Variants in PAK3 observed in about 807,000 individuals in gnomAD.
PAK3 encodes the protein serine/threonine-protein kinase PAK 3.
In PAK3, 4 loss-of-function variants were observed where a neutral mutation model predicts 41.0. That is an observed-to-expected ratio of 0.10 (90% confidence interval 0.05 to 0.22). The LOEUF is 0.22. PAK3 is among the 10% of genes least tolerant of loss of function. The pLI, the probability that PAK3 is intolerant of heterozygous loss-of-function variation, is 1.00. For synonymous variants in PAK3, 146 were observed against 139.6 expected (o/e 1.05, Z -0.32); for missense variants, 205 against 409.9 (o/e 0.50, Z 4.32).
At chrX:110,951,450 G>C (rs1325912728) in intron 1 of PAK3, among the ~76,000 whole-genome samples, 1 of 111,982 alleles carries the variant, frequency 8.9e-6, no homozygotes, top group Non-Finnish European at 1.9e-5. Flanking sequence ...CCTAGGATTA[G>C]ATTTGTTCAG....
chrX:111,160,098 T>C (rs1353464057), intron 8 of PAK3, among the ~76,000 whole-genome samples: 1 of 111,678 alleles, frequency 9.0e-6, no homozygotes, highest in Non-Finnish European at 1.9e-5. Flanking sequence ...GAAAATTCAT[T>C]GTCGGATTAT....
chrX:111,122,255 GAAAAAAA>G (rs747134804), intron 4 of PAK3, among the ~76,000 whole-genome samples: 18 of 23,277 alleles, frequency 7.7e-4, no homozygotes, highest in Admixed American at 1.2e-3. Context: ...GACTCCATCT[GAAAAAAA>G]AAAAAAAAAA....
At chrX:111,025,478 A>G (rs1201067056) in intron 1 of PAK3, among the ~76,000 whole-genome samples, 2 of 111,631 alleles carry the variant, frequency 1.8e-5, no homozygotes, top group African/African-American at 6.5e-5. Flanking sequence ...AACACCACAG[A>G]AATACCAAAG....
At chrX:111,006,099 T>C (rs1484570897) in intron 1 of PAK3, among the ~76,000 whole-genome samples, 2 of 111,652 alleles carry the variant, frequency 1.8e-5, no homozygotes, top group African/African-American at 6.5e-5. Context: ...AAAAAATATA[T>C]ATGCAGAGTC....
Position 111,159,614 on chromosome X carries a change from C to T in PAK3, c.469-3301C>T, listed in dbSNP as rs138323493. 1.8e-3 allele frequency among the ~76,000 whole-genome samples: 204 copies of T among 111,666 alleles called. 5 individuals carry two copies. In the East Asian group the frequency reaches 0.045, roughly 25 times the overall value. On this transcript the variant is annotated intron_variant, in intron 8 of 17. Transcript: ENST00000372007. Reference sequence around the variant, plus strand: ...AATTTCGATAACCCAAAGCCCATTTCTCCCTGTGCCCCCTGAAATGCCCTG... The same window carrying T: ...AATTTCGATAACCCAAAGCCCATTTTTCCCTGTGCCCCCTGAAATGCCCTG...
chrX:111,015,498 G>A (rs945218401), intron 1 of PAK3, among the ~76,000 whole-genome samples: 1 of 111,258 alleles, frequency 9.0e-6, no homozygotes, highest in Non-Finnish European at 1.9e-5. Flanking sequence ...TGTAGTTATT[G>A]TTTTGTTTGC....
At chrX:111,035,730 G>A (rs1029825655) in intron 1 of PAK3, among the ~76,000 whole-genome samples, 7 of 112,288 alleles carry the variant, frequency 6.2e-5, no homozygotes, top group South Asian at 3.7e-4. Context: ...GTTAAGTTCC[G>A]TACATACCGT....
At chrX:111,059,008 G>A (rs1454455526) in intron 1 of PAK3, among the ~76,000 whole-genome samples, 1 of 109,811 alleles carries the variant, frequency 9.1e-6, no homozygotes, top group African/African-American at 3.3e-5. Context: ...CTGTCACTTT[G>A]TAGTAAGTTC....
intron 1 of PAK3, among the ~76,000 whole-genome samples, chrX:111,046,386 A>C (rs1043758701): frequency 8.9e-6 from 1 of 111,871 alleles, no homozygotes; most frequent in Non-Finnish European, 1.9e-5. Flanking sequence ...ACTTAAAACA[A>C]GTCATTTTCC....
At chrX:111,119,998 A>G (rs916628951) in intron 4 of PAK3, among the ~76,000 whole-genome samples, 1 of 112,544 alleles carries the variant, frequency 8.9e-6, no homozygotes, top group African/African-American at 3.2e-5. Flanking sequence ...TAATATCAAG[A>G]TAATTAAAAC....
In PAK3 at chrX:111,175,925, G is replaced by A. The variant is rs192941120; in HGVS notation, c.830+2844G>A. ...TAAATCCTGCTTGCCACTGCAGAAA[G>A]GTCTATTTTAAATTCCCAGCAAGTT... On this transcript the variant is annotated intron_variant, in intron 11 of 17. Transcript: ENST00000372007. Among the ~76,000 whole-genome samples, 19 of 111,734 alleles carry A rather than the reference G, an allele frequency of 1.7e-4. No homozygotes were observed. In the East Asian group the frequency reaches 5.4e-3, roughly 32 times the overall value.
intron 1 of PAK3, among the ~76,000 whole-genome samples, chrX:110,946,082 G>C (rs1385123067): frequency 9.0e-6 from 1 of 111,559 alleles, no homozygotes; most frequent in Non-Finnish European, 1.9e-5. Flanking sequence ...GGCAGGCAGG[G>C]TATTGTGGGA....
chrX:111,054,840 G>A (rs1313949321), intron 1 of PAK3, among the ~76,000 whole-genome samples: 1 of 111,222 alleles, frequency 9.0e-6, no homozygotes, highest in East Asian at 2.8e-4. Context: ...AAGGATCTCC[G>A]GGCCCCCTTA....
At chrX:110,973,606 A>G (rs2091259252) in intron 1 of PAK3, among the ~76,000 whole-genome samples, 1 of 112,287 alleles carries the variant, frequency 8.9e-6, no homozygotes, top group Admixed American at 9.4e-5. Flanking sequence ...GCCACTGCAA[A>G]CACAGGCCAA....
chrX:110,985,641 G>A (rs754010813), intron 1 of PAK3, among the ~76,000 whole-genome samples: 1 of 112,236 alleles, frequency 8.9e-6, no homozygotes, highest in African/African-American at 3.2e-5. Flanking sequence ...AAAGTTGCAA[G>A]ACCAGTTTGG....
At chrX:110,945,887 A>G (rs887649177) in intron 1 of PAK3, among the ~76,000 whole-genome samples, 2 of 112,059 alleles carry the variant, frequency 1.8e-5, no homozygotes, top group Admixed American at 1.9e-4. Context: ...GGGTCCAAAA[A>G]TATACAGTTA....
intron 5 of PAK3, among the ~76,000 whole-genome samples, chrX:111,129,650 C>G (rs754008094): frequency 3.6e-5 from 4 of 111,272 alleles, no homozygotes; most frequent in Non-Finnish European, 7.5e-5. Context: ...ATATGGTAGC[C>G]CCGTAAAACC....
intron 4 of PAK3, among the ~76,000 whole-genome samples, chrX:111,121,098 C>T (rs2093560827): frequency 8.9e-6 from 1 of 112,397 alleles, no homozygotes; most frequent in Non-Finnish European, 1.9e-5. Context: ...CCGATAGTAT[C>T]TCTGAATATA....
intron 6 of PAK3, 79 bp from the exon 7 acceptor site, chrX:111,147,658 G>A (rs1459400964): frequency 2.8e-6 from 2 of 710,924 alleles, no homozygotes; most frequent in Non-Finnish European, 4.6e-6. Context: ...GGGCTTCTTG[G>A]TGAAGAACTT....
Sources: gnomAD v4.1 joint callset for allele counts (sites outside exome capture counted in the v4.1 genomes callset) on GRCh38, gnomAD v4.1.1 for gene constraint, MANE v1.5 for transcripts, NCBI Gene and HGNC (gene_info 2026-07-23, HGNC 2026-07-21) for gene names.